The following GPC5 variants were observed in gnomAD, a reference collection of about 807,000 sequenced individuals.
GPC5 encodes glypican 5.
GPC5 carries 47 observed loss-of-function variants against 53.9 expected under a neutral mutation model. That is an observed-to-expected ratio of 0.87 (90% CI 0.69 to 1.11). GPC5 has a LOEUF of 1.11. GPC5 is among the 50% of genes most tolerant of loss of function. The pLI, the probability that GPC5 is intolerant of heterozygous loss-of-function variation, is 0.00. For missense variants in GPC5, 748 were observed against 713.1 expected, an observed-to-expected ratio of 1.05 and a Z score of -0.56; for synonymous variants, 286 against 263.3, an observed-to-expected ratio of 1.09 and a Z score of -0.84.
chr13:92,657,851 T>A (rs1347114363), intron 7 of GPC5, among the ~76,000 whole-genome samples: 4 of 152,164 alleles, frequency 2.6e-5, no homozygotes, highest in Non-Finnish European at 5.9e-5. Context: ...CTATATCACA[T>A]ACTGAGTGTT....
chr13:92,651,074 C>T (rs1885942719), intron 7 of GPC5, among the ~76,000 whole-genome samples: 1 of 152,072 alleles, frequency 6.6e-6, no homozygotes, highest in Admixed American at 6.6e-5. Context: ...CTGCAAAGGA[C>T]ATGATCTCAT....
At chr13:91,399,656 G>A (rs1472255448) in intron 1 of GPC5, among the ~76,000 whole-genome samples, 3 of 152,124 alleles carry the variant, frequency 2.0e-5, no homozygotes, top group Non-Finnish European at 2.9e-5. Flanking sequence ...ACAAACCTGC[G>A]ATATACCCCT....
intron 7 of GPC5, among the ~76,000 whole-genome samples, chr13:92,313,177 C>T (rs1349995280): frequency 6.6e-6 from 1 of 152,012 alleles, no homozygotes; most frequent in Non-Finnish European, 1.5e-5. Context: ...ACAAGAAAGC[C>T]AACATGAATA....
At chr13:92,043,556 G>A (rs181912378) in intron 6 of GPC5, among the ~76,000 whole-genome samples, 211 of 152,278 alleles carry the variant, frequency 1.4e-3, no homozygotes, top group South Asian at 6.2e-3. Flanking sequence ...CATGTGCCAC[G>A]TAGATTTGAG....
intron 2 of GPC5, among the ~76,000 whole-genome samples, chr13:91,606,296 G>T (rs1279734292): frequency 6.7e-6 from 1 of 150,342 alleles, no homozygotes; most frequent in Non-Finnish European, 1.5e-5. Flanking sequence ...TGCATCCCAG[G>T]GATGAAGTCC....
At chr13:92,644,812 A>G (rs1316097519) in intron 7 of GPC5, among the ~76,000 whole-genome samples, 1 of 152,132 alleles carries the variant, frequency 6.6e-6, no homozygotes, top group Non-Finnish European at 1.5e-5. Flanking sequence ...GTGGAGAATT[A>G]TAAAAATTGT....
chr13:91,952,029 G>T (rs753445882), intron 6 of GPC5, among the ~76,000 whole-genome samples: 1 of 152,080 alleles, frequency 6.6e-6, no homozygotes, highest in Non-Finnish European at 1.5e-5. Context: ...TGAATTATTT[G>T]ATTTGAATAA....
chr13:92,752,782 G>A (rs549764215), intron 7 of GPC5, among the ~76,000 whole-genome samples: 40 of 152,240 alleles, frequency 2.6e-4, no homozygotes, highest in African/African-American at 5.8e-4. Context: ...CTTTTCCAAC[G>A]GGCTTAAAAA....
At chr13:92,440,623 G>A (rs924926065) in intron 7 of GPC5, among the ~76,000 whole-genome samples, 5 of 152,120 alleles carry the variant, frequency 3.3e-5, no homozygotes, top group Admixed American at 6.5e-5. Flanking sequence ...CCCAGGAATG[G>A]GATTTCTGGG....
At chr13:92,582,459 G>A (rs1594321499) in intron 7 of GPC5, among the ~76,000 whole-genome samples, 1 of 151,896 alleles carries the variant, frequency 6.6e-6, no homozygotes, top group South Asian at 2.1e-4. Context: ...TCTCAGCTTT[G>A]TTCATTTTGA....
At chr13:91,773,537 A>T (rs535744030) in intron 5 of GPC5, among the ~76,000 whole-genome samples, 7 of 152,300 alleles carry the variant, frequency 4.6e-5, no homozygotes, top group African/African-American at 1.7e-4. Context: ...AATAAATATC[A>T]TCTCTAATGA....
At chr13:92,665,412 A>C (rs541390916) in intron 7 of GPC5, among the ~76,000 whole-genome samples, 62 of 152,338 alleles carry the variant, frequency 4.1e-4, no homozygotes, top group Non-Finnish European at 7.1e-4. Context: ...ACCAAGGACT[A>C]GAATTCAGAT....
intron 6 of GPC5, among the ~76,000 whole-genome samples, chr13:91,981,222 C>T (rs2040354613): frequency 6.6e-6 from 1 of 151,918 alleles, no homozygotes; most frequent in African/African-American, 2.4e-5. Flanking sequence ...ACATCCATGC[C>T]AGCACTACAC....
At chr13:92,182,844 G>A (rs963752886) in intron 7 of GPC5, among the ~76,000 whole-genome samples, 9 of 151,450 alleles carry the variant, frequency 5.9e-5, no homozygotes, top group African/African-American at 1.5e-4. Context: ...ACTCCAGCCT[G>A]GGCAACAGAG....
At chr13:92,276,265 A>C (rs1182078973) in intron 7 of GPC5, among the ~76,000 whole-genome samples, 1 of 152,126 alleles carries the variant, frequency 6.6e-6, no homozygotes, top group Non-Finnish European at 1.5e-5. Context: ...CAGATGTCTA[A>C]ACTCATTTAA....
chr13:92,739,084 C>T (rs991804419), intron 7 of GPC5, among the ~76,000 whole-genome samples: 2 of 152,038 alleles, frequency 1.3e-5, no homozygotes, highest in East Asian at 1.9e-4. Flanking sequence ...GATTCACTGC[C>T]GCCTCATAAA....
intron 6 of GPC5, among the ~76,000 whole-genome samples, chr13:92,119,530 G>C (rs1334387500): frequency 6.9e-6 from 1 of 145,892 alleles, no homozygotes; most frequent in East Asian, 2.0e-4. Flanking sequence ...CTCCCACGTA[G>C]CTGGGACTAC....
At chr13:92,813,679 C>A (rs1051655201) in intron 7 of GPC5, among the ~76,000 whole-genome samples, 1 of 151,910 alleles carries the variant, frequency 6.6e-6, no homozygotes, top group African/African-American at 2.4e-5. Flanking sequence ...CAGTAGTATT[C>A]TTTACCAAAA....
At chr13:92,246,548 A>G (rs569343145) in intron 7 of GPC5, among the ~76,000 whole-genome samples, 1 of 152,236 alleles carries the variant, frequency 6.6e-6, no homozygotes, top group South Asian at 2.1e-4. Context: ...TTATTGCCAT[A>G]CAGAAGACTT....
Sources: allele counts gnomAD v4.1 joint callset (sites outside exome capture counted in the v4.1 genomes callset), GRCh38; gene constraint gnomAD v4.1.1; transcripts MANE v1.5; gene names NCBI Gene and HGNC (gene_info 2026-07-23, HGNC 2026-07-21).